Variants in SLC26A11 observed in about 807,000 individuals in gnomAD.
The protein encoded by SLC26A11 is sodium-independent sulfate anion transporter.
A neutral mutation model predicts 62.2 loss-of-function variants in SLC26A11; 58 were observed. The ratio of observed to expected loss-of-function variants is 0.93; its 90% CI spans 0.76 to 1.16. SLC26A11 has a LOEUF of 1.16. Among genes scored for constraint, SLC26A11 ranks in the 50% most tolerant of loss-of-function variants. The pLI is 0.00. For missense variants in SLC26A11, 790 were observed against 794.3 expected (o/e 0.99, Z 0.06); for synonymous variants, 411 against 368.9 (o/e 1.11, Z -1.31).
Position 80,248,764 on chromosome 17 carries a change from CCAA to C in SLC26A11, c.1522+92_1522+94del, listed in dbSNP as rs2043080309. On this transcript the variant is annotated intron_variant, in intron 15 of 17. Transcript: ENST00000361193. Reference sequence around the variant, plus strand: ...TGTTCAGGACCCCAAGACCCTGTCCCCAACGCTCTCCAGTCCACAAGGATGCAG... The same window carrying C: ...TGTTCAGGACCCCAAGACCCTGTCCCCGCTCTCCAGTCCACAAGGATGCAG... 2.4e-6 allele frequency: 3 copies of C among 1,273,754 alleles called. No homozygotes were observed. In the South Asian group the frequency reaches 3.9e-5, roughly 17 times the overall value. The allele number at this position is 1,273,754 out of a possible 1,614,324, so 78.9% of individuals were successfully genotyped here.
At position 80,245,267 on chromosome 17, in the gene SLC26A11, T is replaced by G. The variant is rs760467630; in HGVS notation, c.1097+11T>G. On this transcript the variant is annotated intron_variant, in intron 11 of 17. Coordinates refer to ENST00000361193, the MANE Select transcript of SLC26A11 (RefSeq NM_001166347.2). The stretch of plus-strand genomic sequence containing the variant: ...AGGCAGCTTTGGACGGTGAGTGACC[T>G]GTCCGCCTCTTCTGTTTGCCCACGT... 1.2e-6 allele frequency: 2 copies of G among 1,613,650 alleles called. No homozygotes were observed.
rs963297371 is a variant in SLC26A11 at position 80,252,369 on chromosome 17, G to A, written c.1730-256G>A. Among the ~76,000 whole-genome samples, 63 of 152,306 alleles carry A rather than the reference G, an allele frequency of 4.1e-4. No homozygotes were observed. Among genetic ancestry groups the A allele is most frequent in the African/African-American group, 1.5e-3 (63 of 41,566 alleles). Reference sequence around the variant, plus strand: ...GATGCAGTGCACTGGAGGTGGATAAGCAGAATGTGGCCTGGCCGTGGGATG... The same window carrying A: ...GATGCAGTGCACTGGAGGTGGATAAACAGAATGTGGCCTGGCCGTGGGATG... On this transcript the variant is annotated intron_variant, in intron 17 of 17. Transcript: ENST00000361193. This position sits in a 1 kb window ranked among gnomAD's most constrained non-coding sequence, Gnocchi z 5.2.
At chr17:80,237,450 G>A (rs1480421464) in intron 8 of SLC26A11, 72 bp from the exon 9 acceptor site, 1 of 1,445,698 alleles carries the variant, frequency 6.9e-7, no homozygotes, top group African/African-American at 1.4e-5. Context: ...GTGGGTCCTT[G>A]CTGCTTTCAT....
At position 80,246,354 on chromosome 17, in the gene SLC26A11, G is replaced by T; in HGVS notation, c.1153+145G>T. 2 of 1,400,092 alleles carry T rather than the reference G, an allele frequency of 1.4e-6. No individual in the cohort carries two copies. Among genetic ancestry groups the T allele is most frequent in the Non-Finnish European group, 1.9e-6 (2 of 1,036,108 alleles). The allele number at this position is 1,400,092 out of a possible 1,614,324, so 86.7% of individuals were successfully genotyped here. On this transcript the variant is annotated intron_variant, in intron 12 of 17. Coordinates refer to ENST00000361193, the MANE Select transcript of SLC26A11 (RefSeq NM_001166347.2). This position sits in a 1 kb window ranked among gnomAD's most constrained non-coding sequence, Gnocchi z 4.4. Reference sequence around the variant, plus strand: ...TTGGGGGGCCACACAGGAGTAGGGGGACCACAGGAGACTGAGCAGGGGCTG... The same window carrying T: ...TTGGGGGGCCACACAGGAGTAGGGGTACCACAGGAGACTGAGCAGGGGCTG...
Position 80,220,431 on chromosome 17 carries a change from C to T in SLC26A11, c.-279C>T, listed in dbSNP as rs965794369. 2 of 984,408 alleles carry T rather than the reference C, an allele frequency of 2.0e-6. No homozygotes were observed. 61.0% of individuals were successfully genotyped at this position (984,408 alleles called of 1,614,324 possible). ...CGCGCCAGACCCCGCCCCGGCCTGT[C>T]CCCGGCGATTCCTGCGGACCCAGCT... On this transcript the variant is annotated 5_prime_UTR_variant, in exon 1 of 18. Transcript: ENST00000361193.
intron 9 of SLC26A11, among the ~76,000 whole-genome samples, chr17:80,241,477 C>G (rs1240249811): frequency 6.6e-6 from 1 of 152,062 alleles, no homozygotes; most frequent in African/African-American, 2.4e-5. Flanking sequence ...CCAGGCTGGT[C>G]TCGAACTCCT....
Position 80,222,593 on chromosome 17 carries a change from C to T in SLC26A11, c.235-62C>T, listed in dbSNP as rs962465130. The T allele has an allele frequency of 4.3e-5, 66 of 1,534,750 alleles. No individual in the cohort carries two copies. The Middle Eastern group carries it at 1.7e-3, about 40-fold the overall frequency. ...CACACATCCCGAGCTTGGACACGCA[C>T]ACTAGGGAGCTGGTGGATGGGCCTC... On this transcript the variant is annotated intron_variant, in intron 3 of 17. Coordinates refer to ENST00000361193, the MANE Select transcript of SLC26A11 (RefSeq NM_001166347.2). This position sits in a 1 kb window ranked among gnomAD's most constrained non-coding sequence, Gnocchi z 4.7.
At chr17:80,251,423 G>A in intron 17 of SLC26A11, 22 bp downstream of exon 17, 1 of 1,612,058 alleles carries the variant, frequency 6.2e-7, no homozygotes, top group Non-Finnish European at 8.5e-7. Context: ...CAGACATCCT[G>A]TGGCTTTGGT....
chr17:80,235,650 C>T (rs984228874), intron 7 of SLC26A11, among the ~76,000 whole-genome samples: 2 of 152,260 alleles, frequency 1.3e-5, no homozygotes, highest in African/African-American at 4.8e-5. Context: ...GCCACTGCAC[C>T]CAGCCATATT....
Position 80,246,958 on chromosome 17 carries a change from A to C in SLC26A11, c.1294+309A>C, listed in dbSNP as rs1448328928. On this transcript the variant is annotated intron_variant, in intron 13 of 17. Coordinates refer to ENST00000361193, the MANE Select transcript of SLC26A11 (RefSeq NM_001166347.2). This position sits in a 1 kb window ranked among gnomAD's most constrained non-coding sequence, Gnocchi z 4.4. ...TCCTTGCCACCCGCCTCCAGCCACC[A>C]CTCTGCCCGGCCCAGCTGGGGGAGG... is the stretch of plus-strand genomic sequence containing the variant. Among the ~76,000 whole-genome samples the C allele has an allele frequency of 1.3e-5, 2 of 148,200 alleles. No homozygotes were observed. Among genetic ancestry groups the C allele is most frequent in the African/African-American group, 2.5e-5 (1 of 39,910 alleles).
At position 80,223,602 on chromosome 17, in the gene SLC26A11, C is replaced by T. The variant is rs1293029157; in HGVS notation, c.513+265C>T. On this transcript the variant is annotated intron_variant, in intron 5 of 17. Coordinates refer to ENST00000361193, the MANE Select transcript of SLC26A11 (RefSeq NM_001166347.2). This position sits in a 1 kb window ranked among gnomAD's most constrained non-coding sequence, Gnocchi z 4.6. ...CGGTAATTCCATCCCCCTGCTCTTG[C>T]CCGAGTTTCCGTGCCAGTGTGCTTG... Among the ~76,000 whole-genome samples the T allele has an allele frequency of 1.3e-5, 2 of 152,216 alleles. No individual in the cohort carries two copies. The highest frequency in any genetic ancestry group is 2.4e-5 in the African/African-American group (1 of 41,452).
chr17:80,226,070 T>C (rs962645877), intron 6 of SLC26A11, among the ~76,000 whole-genome samples, 154 bp downstream of exon 6: 8 of 152,002 alleles, frequency 5.3e-5, no homozygotes, highest in African/African-American at 1.9e-4. Context: ...TGGCAAGAAA[T>C]GAGACTCTCA....
chr17:80,234,241 G>T (rs905431285), intron 7 of SLC26A11, among the ~76,000 whole-genome samples: 4 of 152,124 alleles, frequency 2.6e-5, no homozygotes, highest in Admixed American at 2.6e-4. Flanking sequence ...CTGACCTCAG[G>T]TGATCCGCCC....
intron 6 of SLC26A11, among the ~76,000 whole-genome samples, chr17:80,227,553 A>G (rs1206329483): frequency 1.3e-5 from 2 of 152,250 alleles, no homozygotes; most frequent in Admixed American, 1.3e-4. Context: ...GCTTAGGAGA[A>G]AACATCTCAG....
At chr17:80,227,021 C>T (rs557836005) in intron 6 of SLC26A11, among the ~76,000 whole-genome samples, 34 of 152,260 alleles carry the variant, frequency 2.2e-4, no homozygotes, top group Non-Finnish European at 3.8e-4. Flanking sequence ...GCAGTGATTA[C>T]GGAGCCTGAC....
chr17:80,242,762 G>A (rs538066856), intron 10 of SLC26A11, among the ~76,000 whole-genome samples: 1 of 152,208 alleles, frequency 6.6e-6, no homozygotes, highest in South Asian at 2.1e-4. Flanking sequence ...AGGCTAGAGT[G>A]CAGTGGTACA....
intron 9 of SLC26A11, among the ~76,000 whole-genome samples, chr17:80,241,201 AAAG>A (rs2042850384): frequency 6.6e-6 from 1 of 152,254 alleles, no homozygotes; most frequent in African/African-American, 2.4e-5. Context: ...AGAAACGAGT[AAAG>A]AAGAGACAAA....
chr17:80,228,820 C>T lies in SLC26A11; in HGVS notation c.736+860C>T, dbSNP rs1007876788. Among the ~76,000 whole-genome samples the T allele has an allele frequency of 2.6e-5, 4 of 152,212 alleles. No homozygotes were observed. The highest frequency in any genetic ancestry group is 4.8e-5 in the African/African-American group (2 of 41,456). On this transcript the variant is annotated intron_variant, in intron 7 of 17. Transcript: ENST00000361193. The surrounding 1 kb of genome is among the most constrained non-coding windows in gnomAD (Gnocchi z 4.1). ...CAGCTTTATGGGGGTACAACTTCAG[C>T]TTCAGGCGCGGAGGCTGCAGGCTGA...
At chr17:80,236,902 C>T (rs753315686) in intron 7 of SLC26A11, 26 bp from the exon 8 acceptor site, 23 of 1,593,744 alleles carry the variant, frequency 1.4e-5, no homozygotes, top group East Asian at 2.3e-5. Flanking sequence ...AGCAGGGTCT[C>T]GGACGCACCT....
Sources: gnomAD v4.1 joint callset for allele counts (sites outside exome capture counted in the v4.1 genomes callset) on GRCh38, gnomAD v4.1.1 for gene constraint, Gnocchi (gnomAD v3.1) non-coding constraint, MANE v1.5 for transcripts, NCBI Gene and HGNC (gene_info 2026-07-23, HGNC 2026-07-21) for gene names.